The following ALX1 variants were observed in gnomAD, a reference collection of about 807,000 sequenced individuals.
The protein encoded by ALX1 is ALX homeobox 1.
Under a neutral mutation model 31.7 loss-of-function variants are expected in ALX1, and 19 were observed. That is an observed-to-expected ratio of 0.60 (90% CI 0.42 to 0.88). The LOEUF (loss-of-function observed/expected upper bound fraction) is 0.88, where lower values mean the gene tolerates loss of function less well. Among genes scored for constraint, ALX1 ranks in the 40% least tolerant of loss-of-function variants. The probability of loss-of-function intolerance (pLI) is 0.00; values close to 1 mark genes in which losing one functional copy is unlikely to be tolerated. For synonymous variants in ALX1, 153 were observed against 148.8 expected (o/e 1.03, Z -0.20); for missense variants, 415 against 407.8 (o/e 1.02, Z -0.15).
intron 3 of ALX1, among the ~76,000 whole-genome samples, chr12:85,290,212 C>T (rs558939125): frequency 1.1e-4 from 17 of 151,086 alleles, no homozygotes; most frequent in East Asian, 3.9e-4. Context: ...TTCAACTGGC[C>T]GTCTTTTTAC....
chr12:85,296,636 G>GT (rs1415567269), intron 3 of ALX1, among the ~76,000 whole-genome samples: 1 of 151,150 alleles, frequency 6.6e-6, no homozygotes, highest in East Asian at 1.9e-4. Flanking sequence ...TAAAAAAAAA[G>GT]TTTCAGAGAA....
chr12:85,287,432 A>C (rs1310276011), intron 3 of ALX1, among the ~76,000 whole-genome samples: 1 of 151,092 alleles, frequency 6.6e-6, no homozygotes, highest in Non-Finnish European at 1.5e-5. Flanking sequence ...ACTCCATTTA[A>C]AAATGTGTCT....
At chr12:85,301,056 A>T (rs534183969) in intron 3 of ALX1, 99 bp from the exon 4 acceptor site, 11 of 1,337,150 alleles carry the variant, frequency 8.2e-6, no homozygotes, top group Middle Eastern at 1.9e-4. Context: ...GGAGCAAACA[A>T]TGAATAGTTA....
rs562693517 is a variant in ALX1, at chr12:85,286,409, A to T, written c.532-444A>T. Among the ~76,000 whole-genome samples, 16 of 152,108 alleles carry T rather than the reference A, an allele frequency of 1.1e-4. No individual in the cohort carries two copies. In the South Asian group the frequency reaches 3.1e-3, roughly 30 times the overall value. On this transcript the variant is annotated intron_variant, in intron 2 of 3. Coordinates refer to ENST00000316824, the MANE Select transcript of ALX1 (RefSeq NM_006982.3). Reference sequence around the variant, plus strand: ...TTCACTTTTGTGATATATTTTAAAGATAAGTTTTAATAGACTCAGATATTA... The same window carrying T: ...TTCACTTTTGTGATATATTTTAAAGTTAAGTTTTAATAGACTCAGATATTA...
At chr12:85,280,680 C>T (rs73365758) in intron 1 of ALX1, among the ~76,000 whole-genome samples, 193 bp downstream of exon 1, 1 of 151,914 alleles carries the variant, frequency 6.6e-6, no homozygotes, top group Admixed American at 6.6e-5. Flanking sequence ...GGGCGGAGGG[C>T]GGAGGGAGGG....
intron 3 of ALX1, among the ~76,000 whole-genome samples, chr12:85,300,367 A>G (rs1432088453): frequency 1.3e-5 from 2 of 152,056 alleles, no homozygotes. Flanking sequence ...GGAGTACTAT[A>G]TAACACAAGA....
intron 3 of ALX1, 29 bp from the exon 4 acceptor site, chr12:85,301,126 T>A (rs1368442642): frequency 6.2e-6 from 10 of 1,611,124 alleles, no homozygotes; most frequent in Non-Finnish European, 8.5e-6. Context: ...AACATGTAAA[T>A]GTAATATTTG....
At chr12:85,280,568 G>C in intron 1 of ALX1, 81 bp downstream of exon 1, 1 of 1,467,648 alleles carries the variant, frequency 6.8e-7, no homozygotes, top group South Asian at 1.2e-5. Context: ...CAGGCAGGGA[G>C]GGAGAAAGGA....
In ALX1 at chr12:85,301,694, C is replaced by G. The variant is rs1455884655; in HGVS notation, c.*219C>G. 1 of 593,254 alleles carries G rather than the reference C, an allele frequency of 1.7e-6. No homozygotes were observed. The highest frequency in any genetic ancestry group is 2.9e-6 in the Non-Finnish European group (1 of 340,258). 36.7% of individuals were successfully genotyped at this position (593,254 alleles called of 1,614,324 possible). A position where few individuals can be genotyped will look rare whatever the true frequency, so the allele number is the denominator to read the frequency against. On this transcript the variant is annotated 3_prime_UTR_variant, in exon 4 of 4. Transcript: ENST00000316824. ...TTACCATGTGCCAGTCTCCACAAAC[C>G]CTGTTTTAGTAGTAAGGTTTTCTTT...
rs779648569 is a variant in ALX1 at position 85,283,818 on chromosome 12, A to C, written c.473A>C (p.Asp158Ala). ...GTCTTTCAGAAAACTCATTACCCGG[A>C]TGTGTATGTCAGAGAACAGCTTGCT... Reference protein sequence around the residue: ...EKVFQKTHYPDVYVREQLALR... With the variant: ...EKVFQKTHYPAVYVREQLALR... The change falls in exon 2 of 4, where the codon GAT becomes GCT. Residue 158 changes from aspartate (D) to alanine (A), a missense_variant. Asp to Ala is a moderately radical substitution (Grantham distance 126). This residue lies in a region of ALX1 where 235 missense variants were observed against 208.9 expected (regional missense o/e 1.13). Transcript: ENST00000316824. The C allele has an allele frequency of 3.1e-6, 5 of 1,614,088 alleles. No individual in the cohort carries two copies. The Admixed American group carries it at 6.7e-5, about 22-fold the overall frequency.
chr12:85,285,409 T>C (rs957064468), intron 2 of ALX1, among the ~76,000 whole-genome samples: 3 of 152,044 alleles, frequency 2.0e-5, no homozygotes, highest in African/African-American at 7.2e-5. Flanking sequence ...CCTTAGTGTG[T>C]TCCTGGGGCT....
At chr12:85,283,227 T>C (rs1410277522) in intron 1 of ALX1, among the ~76,000 whole-genome samples, 1 of 152,216 alleles carries the variant, frequency 6.6e-6, no homozygotes, top group African/African-American at 2.4e-5. Context: ...GCTTCAGTTT[T>C]CAAAAATCAT....
chr12:85,281,896 G>A (rs1327526527), intron 1 of ALX1, among the ~76,000 whole-genome samples: 3 of 152,144 alleles, frequency 2.0e-5, no homozygotes, highest in Non-Finnish European at 4.4e-5. Context: ...GGATGGACTT[G>A]ATCATAATAT....
chr12:85,284,136 T>A (rs891692397), intron 2 of ALX1, among the ~76,000 whole-genome samples: 1 of 150,998 alleles, frequency 6.6e-6, no homozygotes, highest in Middle Eastern at 3.5e-3. Context: ...CATAACAATA[T>A]GATAATATAT....
chr12:85,299,984 T>C (rs933422767), intron 3 of ALX1, among the ~76,000 whole-genome samples: 16 of 151,986 alleles, frequency 1.1e-4, no homozygotes, highest in Admixed American at 9.2e-4. Flanking sequence ...CCAAATGTAT[T>C]ATAATAATGT....
intron 2 of ALX1, among the ~76,000 whole-genome samples, chr12:85,284,306 C>A (rs542098445): frequency 6.8e-6 from 1 of 146,568 alleles, no homozygotes. Flanking sequence ...TATAATAGCC[C>A]ATACATCTAG....
chr12:85,300,513 C>T (rs1009237406), intron 3 of ALX1, among the ~76,000 whole-genome samples: 2 of 151,974 alleles, frequency 1.3e-5, no homozygotes, highest in Non-Finnish European at 2.9e-5. Flanking sequence ...GTTTCAAATT[C>T]ATTATATCAT....
Position 85,292,820 on chromosome 12 carries a change from C to A in ALX1, c.660+5839C>A, listed in dbSNP as rs1295079904. Among the ~76,000 whole-genome samples, 6 of 150,834 alleles carry A rather than the reference C, an allele frequency of 4.0e-5. 1 individual carries two copies. In the Admixed American group the frequency reaches 4.0e-4, roughly 10 times the overall value. ...GAACATAGGACTTGTCTCCTTCAAC[C>A]ACTGTGGTTTATAATTAAAAGGCAT... On this transcript the variant is annotated intron_variant, in intron 3 of 3. Transcript: ENST00000316824.
Position 85,283,625 on chromosome 12 carries a change from A to G in ALX1, c.280A>G (p.Arg94Gly), listed in dbSNP as rs559747219. 3.1e-6 allele frequency: 5 copies of G among 1,614,154 alleles called. No homozygotes were observed. In the Admixed American group the frequency reaches 8.3e-5, roughly 27 times the overall value. The part of the protein sequence containing the change: ...EGQPLHTELN[R>G]AMDNCNSLRM... ...ACAGCCCCTTCACACCGAACTGAAT[A>G]GAGCTATGGACAACTGTAACAGTCT... The change falls in exon 2 of 4, where the codon AGA (arginine) becomes GGA (glycine). Residue 94 changes from arginine (R) to glycine (G), a missense_variant. By Grantham distance (125) the Arg-to-Gly change is moderately radical. Coordinates refer to ENST00000316824, the MANE Select transcript of ALX1 (RefSeq NM_006982.3).
Sources: allele counts gnomAD v4.1 joint callset (sites outside exome capture counted in the v4.1 genomes callset), GRCh38; gene constraint gnomAD v4.1.1; regional missense constraint gnomAD v4.1.1; transcripts MANE v1.5; gene names NCBI Gene and HGNC (gene_info 2026-07-23, HGNC 2026-07-21).